JAKMIP3: variants seen among roughly 807,000 people sequenced by gnomAD.
JAKMIP3 encodes the protein Janus kinase and microtubule interacting protein 3.
A neutral mutation model predicts 118.5 loss-of-function variants in JAKMIP3; 58 were observed. That is an observed-to-expected ratio of 0.49 (90% confidence interval 0.40 to 0.61). The LOEUF (loss-of-function observed/expected upper bound fraction) is 0.61. Ranked by LOEUF, JAKMIP3 falls within the 20% of genes least tolerant of loss-of-function variation. JAKMIP3 has a pLI of 0.00. For synonymous variants in JAKMIP3, 486 were observed against 451.2 expected (o/e 1.08, Z -0.98); for missense variants, 950 against 1,109.0 (o/e 0.86, Z 2.04).
At chr10:132,111,737 T>C (rs1363410475) in intron 2 of JAKMIP3, among the ~76,000 whole-genome samples, 1 of 152,182 alleles carries the variant, frequency 6.6e-6, no homozygotes, top group Non-Finnish European at 1.5e-5. Flanking sequence ...GCCTTAAAGC[T>C]GGACATGACC....
intron 23 of JAKMIP3, among the ~76,000 whole-genome samples, chr10:132,172,449 C>T (rs920174061): frequency 3.9e-5 from 6 of 152,054 alleles, no homozygotes; most frequent in Admixed American, 6.5e-5. Context: ...AACGTTGCCC[C>T]GATCTCCGCA....
intron 1 of JAKMIP3, among the ~76,000 whole-genome samples, chr10:132,097,031 C>G (rs1405877982): frequency 6.6e-6 from 1 of 152,236 alleles, no homozygotes; most frequent in African/African-American, 2.4e-5. Flanking sequence ...GGAGAGACGC[C>G]ACGGCGAGGT....
At chr10:132,139,430 T>A (rs7072701) in intron 9 of JAKMIP3, among the ~76,000 whole-genome samples, 10,142 of 131,788 alleles carry the variant, frequency 0.077, 936 homozygotes, top group African/African-American at 0.21. Flanking sequence ...GTGTGTGTGT[T>A]TGTGTGTACA....
chr10:132,060,669 G>T (rs1211938179), upstream of JAKMIP3, among the ~76,000 whole-genome samples: 1 of 152,190 alleles, frequency 6.6e-6, no homozygotes, highest in Non-Finnish European at 1.5e-5. Flanking sequence ...TAATGTAAAA[G>T]TATAAAGATT....
chr10:132,164,730 GA>G lies in JAKMIP3; in HGVS notation c.2489del (p.Lys830SerfsTer11). On this transcript the variant is annotated frameshift_variant, in exon 21 of 24. Coordinates refer to ENST00000684848, the MANE Select transcript of JAKMIP3 (RefSeq NM_001323087.2). LOFTEE classifies it high-confidence loss of function. ...AQKRQIKELE[E>X]KFLFLFLFFS... ...GAAGAGACAAATAAAGGAACTGGAGGAAAAGGTAAAACAAATGCAGTTTTGG... is the reference window on the plus strand; with the variant it reads ...GAAGAGACAAATAAAGGAACTGGAGGAAAGGTAAAACAAATGCAGTTTTGG... 2 of 1,601,714 alleles carry G rather than the reference GA, an allele frequency of 1.2e-6. No individual in the cohort carries two copies. The highest frequency in any genetic ancestry group is 2.2e-5 in the East Asian group (1 of 44,818).
intron 1 of JAKMIP3, among the ~76,000 whole-genome samples, chr10:132,052,517 C>T (rs1308584376): frequency 6.6e-6 from 1 of 152,182 alleles, no homozygotes; most frequent in Non-Finnish European, 1.5e-5. Flanking sequence ...ATTTCTCCTT[C>T]TGAGAGACCT....
chr10:132,138,077 C>G, intron 8 of JAKMIP3, 42 bp from the exon 9 acceptor site: 1 of 1,577,454 alleles, frequency 6.3e-7, no homozygotes, highest in Non-Finnish European at 8.7e-7. Context: ...ACCGGTGGAG[C>G]TGCTCTACCA....
rs1334619170 is a variant in JAKMIP3 at position 132,180,592 on chromosome 10, T to TGCGC, written c.*1104-1764_*1104-1763insCGCG. ...GCGTGTGTGTGTGCGTGCGCGTGTG[T>TGCGC]GTGTGCGTGCGCGTGTGTGTGTGCG... On this transcript the variant is annotated intron_variant, in intron 23 of 23. Coordinates refer to ENST00000684848, the MANE Select transcript of JAKMIP3 (RefSeq NM_001323087.2). Among the ~76,000 whole-genome samples, 11 of 22,764 alleles carry TGCGC rather than the reference T, an allele frequency of 4.8e-4. 2 individuals carry two copies. Among genetic ancestry groups the TGCGC allele is most frequent in the Admixed American group, 1.9e-3 (3 of 1,546 alleles). 14.9% of individuals were successfully genotyped at this position (22,764 alleles called of 152,430 possible). A position where few individuals can be genotyped will look rare whatever the true frequency, so the allele number is the denominator to read the frequency against.
rs543222081 is a variant in JAKMIP3, at chr10:132,179,704, C to T, written c.*1104-2653C>T. Among the ~76,000 whole-genome samples, 1 of 152,038 alleles carries T rather than the reference C, an allele frequency of 6.6e-6. No homozygotes were observed. Among genetic ancestry groups the T allele is most frequent in the East Asian group, 1.9e-4 (1 of 5,184 alleles). ...GACTCAGCACACAGTCACACCACAG[C>T]AGGGCCACACCACGGCAGGGTCGCA... On this transcript the variant is annotated intron_variant, in intron 23 of 23. Transcript: ENST00000684848. This position sits in a 1 kb window ranked among gnomAD's most constrained non-coding sequence, Gnocchi z 4.3.
upstream of JAKMIP3, among the ~76,000 whole-genome samples, chr10:132,059,776 C>T (rs2038342317): frequency 6.6e-6 from 1 of 152,268 alleles, no homozygotes; most frequent in African/African-American, 2.4e-5. Context: ...TCCACCCTAC[C>T]TGTCCCTTGT....
chr10:132,069,939 A>G (rs1176011095), intron 1 of JAKMIP3, among the ~76,000 whole-genome samples: 1 of 152,172 alleles, frequency 6.6e-6, no homozygotes, highest in Non-Finnish European at 1.5e-5. Context: ...GGTCCCCAGT[A>G]GAGTGTGACC....
At chr10:132,123,999 C>T (rs1046260893) in intron 3 of JAKMIP3, among the ~76,000 whole-genome samples, 13 of 152,344 alleles carry the variant, frequency 8.5e-5, no homozygotes, top group Admixed American at 6.5e-4. Flanking sequence ...TGGCTGTGCC[C>T]ACAGCCGAAC....
chr10:132,152,700 G>C (rs532246739), intron 16 of JAKMIP3, among the ~76,000 whole-genome samples: 1 of 152,286 alleles, frequency 6.6e-6, no homozygotes, highest in East Asian at 1.9e-4. Flanking sequence ...TGCCTCAGCT[G>C]GTTACCTAGA....
At chr10:132,051,330 G>C (rs111957863) in intron 1 of JAKMIP3, among the ~76,000 whole-genome samples, 13 of 139,876 alleles carry the variant, frequency 9.3e-5, no homozygotes, top group Non-Finnish European at 1.4e-4. Context: ...TTCCTGGCAC[G>C]GTTGGTCTTG....
intron 2 of JAKMIP3, among the ~76,000 whole-genome samples, chr10:132,108,840 CA>C (rs111629436): frequency 0.011 from 1,389 of 130,436 alleles, 33 homozygotes; most frequent in African/African-American, 0.039. Context: ...TGGTCTCCAC[CA>C]AAAAAAAAAA....
chr10:132,091,701 C>T (rs1314521382), intron 1 of JAKMIP3, among the ~76,000 whole-genome samples: 1 of 152,196 alleles, frequency 6.6e-6, no homozygotes, highest in Non-Finnish European at 1.5e-5. Context: ...ATACAGCACA[C>T]TGATGGGTCT....
intron 1 of JAKMIP3, among the ~76,000 whole-genome samples, chr10:132,078,829 G>A (rs934524943): frequency 6.6e-6 from 1 of 152,306 alleles, no homozygotes; most frequent in Non-Finnish European, 1.5e-5. Flanking sequence ...TCCCCCGAGC[G>A]TGTTCCTCTT....
chr10:132,109,294 CTG>C (rs939709693), intron 2 of JAKMIP3, among the ~76,000 whole-genome samples: 27 of 152,088 alleles, frequency 1.8e-4, no homozygotes, highest in African/African-American at 6.0e-4. Context: ...CAGAGCAAGA[CTG>C]TCTCAAAAAA....
intron 23 of JAKMIP3, among the ~76,000 whole-genome samples, chr10:132,181,994 T>G (rs114705404): frequency 0.014 from 2,071 of 152,350 alleles, 45 homozygotes; most frequent in African/African-American, 0.048. Flanking sequence ...AACTTTGAAC[T>G]TAGCAGAGGC....
Sources: allele counts gnomAD v4.1 joint callset (sites outside exome capture counted in the v4.1 genomes callset), GRCh38; gene constraint gnomAD v4.1.1; non-coding constraint Gnocchi (gnomAD v3.1); transcripts MANE v1.5; gene names NCBI Gene and HGNC (gene_info 2026-07-23, HGNC 2026-07-21).